Variants in CCDC83 observed in about 807,000 individuals in gnomAD.
CCDC83 encodes coiled-coil domain containing 83.
A neutral mutation model predicts 50.1 loss-of-function variants in CCDC83; 54 were observed. The ratio of observed to expected loss-of-function variants is 1.08; its 90% confidence interval spans 0.87 to 1.35. CCDC83 has a LOEUF of 1.35. Ranked by LOEUF, CCDC83 falls within the 40% of genes most tolerant of loss-of-function variation. The probability of loss-of-function intolerance (pLI) is 0.00; values close to 1 mark genes in which losing one functional copy is unlikely to be tolerated. For missense variants in CCDC83, 518 were observed against 473.9 expected, an observed-to-expected ratio of 1.09 and a Z score of -0.86; for synonymous variants, 161 against 153.3, an observed-to-expected ratio of 1.05 and a Z score of -0.37.
intron 5 of CCDC83, among the ~76,000 whole-genome samples, chr11:85,889,643 A>G (rs1373614710): frequency 2.0e-5 from 3 of 152,196 alleles, no homozygotes; most frequent in African/African-American, 7.2e-5. Context: ...AAATCAATCT[A>G]TCTGAAGGCT....
rs1158897461 is a variant in CCDC83, at chr11:85,896,388, G to A, written c.603+1004G>A. ...TGCACTCCAGCATGGGCAACAAAGT[G>A]AGACCTTGTCTCAAAAAAAAAAAAA... is the stretch of plus-strand genomic sequence containing the variant. On this transcript the variant is annotated intron_variant, in intron 6 of 10. Coordinates refer to ENST00000342404, the MANE Select transcript of CCDC83 (RefSeq NM_001286159.2). Among the ~76,000 whole-genome samples, 4 of 107,904 alleles carry A rather than the reference G, an allele frequency of 3.7e-5. No homozygotes were observed. The East Asian group carries it at 9.3e-4, about 25-fold the overall frequency. The allele number at this position is 107,904 out of a possible 152,430, so 70.8% of individuals were successfully genotyped here.
chr11:85,907,050 T>C (rs976108245), intron 7 of CCDC83, among the ~76,000 whole-genome samples: 3 of 152,192 alleles, frequency 2.0e-5, no homozygotes, highest in African/African-American at 7.2e-5. Context: ...ATCACAAGAA[T>C]TGAAAATTGC....
At chr11:85,872,915 C>A (rs1357037994) in intron 2 of CCDC83, among the ~76,000 whole-genome samples, 2 of 151,870 alleles carry the variant, frequency 1.3e-5, no homozygotes, top group African/African-American at 4.8e-5. Flanking sequence ...ATGCCCACTC[C>A]TAGTTTTCCT....
At chr11:85,877,683 C>G (rs570533323) in intron 3 of CCDC83, among the ~76,000 whole-genome samples, 4 of 152,050 alleles carry the variant, frequency 2.6e-5, no homozygotes, top group Non-Finnish European at 5.9e-5. Flanking sequence ...AAAATTACCA[C>G]TCTTTGGAAT....
intron 2 of CCDC83, among the ~76,000 whole-genome samples, chr11:85,867,009 G>A (rs1018010708): frequency 4.6e-5 from 7 of 152,304 alleles, no homozygotes; most frequent in Admixed American, 1.3e-4. Flanking sequence ...GGAGTATAAA[G>A]TTGAAGATGG....
Position 85,904,804 on chromosome 11 carries a change from T to C in CCDC83, c.672+5789T>C, listed in dbSNP as rs1439627745. 2.0e-5 allele frequency among the ~76,000 whole-genome samples: 3 copies of C among 152,200 alleles called. No individual in the cohort carries two copies. The East Asian group carries it at 5.8e-4, about 29-fold the overall frequency. ...CAAGATAAAAATGTCACCGTCAGCTTCTACTCTTTCCTTTTTCTTGCTCCC... is the reference window on the plus strand; with the variant it reads ...CAAGATAAAAATGTCACCGTCAGCTCCTACTCTTTCCTTTTTCTTGCTCCC... On this transcript the variant is annotated intron_variant, in intron 7 of 10. Coordinates refer to ENST00000342404, the MANE Select transcript of CCDC83 (RefSeq NM_001286159.2).
chr11:85,868,533 C>G (rs145012196), intron 2 of CCDC83, among the ~76,000 whole-genome samples: 1 of 152,316 alleles, frequency 6.6e-6, no homozygotes, highest in African/African-American at 2.4e-5. Flanking sequence ...TGCCACCACA[C>G]CCAGCTAATT....
At chr11:85,909,365 T>C (rs1388725155) in intron 7 of CCDC83, among the ~76,000 whole-genome samples, 1 of 152,178 alleles carries the variant, frequency 6.6e-6, no homozygotes, top group Non-Finnish European at 1.5e-5. Context: ...TCAAGACTTT[T>C]ATTACTTCCT....
chr11:85,886,038 A>T (rs1036243010), intron 4 of CCDC83, among the ~76,000 whole-genome samples, 162 bp from the exon 5 acceptor site: 1 of 152,196 alleles, frequency 6.6e-6, no homozygotes, highest in African/African-American at 2.4e-5. Context: ...AGATAGATAA[A>T]CAACAGTTTG....
intron 5 of CCDC83, among the ~76,000 whole-genome samples, chr11:85,891,960 T>C (rs888850957): frequency 5.9e-5 from 9 of 152,190 alleles, no homozygotes; most frequent in Admixed American, 1.3e-4. Flanking sequence ...TTGGGGCGGC[T>C]CTAAAAAGAT....
At chr11:85,917,134 A>AAGAGAGAGAGAGAGAGAGAGAGAGAGAG (rs201907138) in intron 10 of CCDC83, among the ~76,000 whole-genome samples, 2 of 77,882 alleles carry the variant, frequency 2.6e-5, no homozygotes, top group Admixed American at 1.5e-4. Context: ...AAGAAAAAGA[A>AAGAGAGAGAGAGAGAGAGAGAGAGAGAG]AGAGAGAGAG....
intron 7 of CCDC83, among the ~76,000 whole-genome samples, chr11:85,903,103 G>C (rs2093409460): frequency 6.6e-6 from 1 of 151,652 alleles, no homozygotes; most frequent in Non-Finnish European, 1.5e-5. Context: ...CGTGGTTGTG[G>C]GCACCTATAA....
At chr11:85,917,120 A>G (rs1319574144) in intron 10 of CCDC83, among the ~76,000 whole-genome samples, 1 of 127,784 alleles carries the variant, frequency 7.8e-6, no homozygotes, top group East Asian at 2.3e-4. Context: ...AGAAAGAAAG[A>G]AAAAAGAAAA....
chr11:85,862,617 T>A (rs1312565665), intron 1 of CCDC83, among the ~76,000 whole-genome samples: 1 of 152,226 alleles, frequency 6.6e-6, no homozygotes, highest in Non-Finnish European at 1.5e-5. Flanking sequence ...CGACGTCTAT[T>A]TGTCAGATAT....
At chr11:85,908,507 C>T (rs118176104) in intron 7 of CCDC83, among the ~76,000 whole-genome samples, 7,252 of 151,808 alleles carry the variant, frequency 0.048, 267 homozygotes, top group South Asian at 0.075. Flanking sequence ...GCCAAGATCA[C>T]GCCACTGCAT....
At chr11:85,860,720 A>G (rs2093171175) in intron 1 of CCDC83, among the ~76,000 whole-genome samples, 2 of 152,242 alleles carry the variant, frequency 1.3e-5, no homozygotes, top group Admixed American at 1.3e-4. Context: ...AGTAGCAAAC[A>G]CATAAAATCA....
intron 3 of CCDC83, among the ~76,000 whole-genome samples, chr11:85,879,584 A>G (rs1042485125): frequency 2.4e-4 from 37 of 152,170 alleles, no homozygotes; most frequent in African/African-American, 8.9e-4. Context: ...CTCAAAATAC[A>G]TAAAGTAAAA....
intron 6 of CCDC83, among the ~76,000 whole-genome samples, chr11:85,896,400 C>CAAA (rs58450617): frequency 3.8e-4 from 19 of 50,484 alleles, no homozygotes; most frequent in East Asian, 8.1e-4. Context: ...GACCTTGTCT[C>CAAA]AAAAAAAAAA....
At chr11:85,895,446 G>C (rs1055166970) in intron 6 of CCDC83, 62 bp downstream of exon 6, 1 of 1,080,392 alleles carries the variant, frequency 9.3e-7, no homozygotes, top group Non-Finnish European at 1.4e-6. Context: ...TTTTTCTTTG[G>C]GTATATTATA....
Sources: gnomAD v4.1 joint callset for allele counts (sites outside exome capture counted in the v4.1 genomes callset) on GRCh38, gnomAD v4.1.1 for gene constraint, MANE v1.5 for transcripts, NCBI Gene and HGNC (gene_info 2026-07-23, HGNC 2026-07-21) for gene names.